Variants in RTL10 observed in about 807,000 individuals in gnomAD.
The protein encoded by RTL10 is protein Bop.
For missense variants in RTL10, 477 were observed against 470.7 expected (o/e 1.01, Z -0.12); for synonymous variants, 199 against 188.4 (o/e 1.06, Z -0.46).
rs538512092 is a variant in RTL10 at position 19,847,520 on chromosome 22, C to T, written c.*3647G>A. ...CCATGAGGAAAAACTCTGGTCACAG[C>T]TCAAAAAGGTCAGGTAAGGACCCTC... On this transcript the variant is annotated 3_prime_UTR_variant, in exon 3 of 3. Transcript: ENST00000328554. 1 of 985,412 alleles carries T rather than the reference C, an allele frequency of 1.0e-6. No homozygotes were observed. The highest frequency in any genetic ancestry group is 1.7e-5 in the African/African-American group (1 of 57,320). 61.0% of individuals were successfully genotyped at this position (985,412 alleles called of 1,614,324 possible). A position where few individuals can be genotyped will look rare whatever the true frequency, so the allele number is the denominator to read the frequency against.
chr22:19,852,430 C>CAGGAGAGCTG lies in RTL10; in HGVS notation c.-179_-170dup. ...ATCAGGGAGCTGACAGCTGCAGCCT[C>CAGGAGAGCTG]AGGAGAGCTGAGAAGAGCTGAGAGA... On this transcript the variant is annotated 5_prime_UTR_variant, in exon 3 of 3. Coordinates refer to ENST00000328554, the MANE Select transcript of RTL10 (RefSeq NM_024627.6). The CAGGAGAGCTG allele has an allele frequency of 2.9e-6, 2 of 681,584 alleles. No individual in the cohort carries two copies. Among genetic ancestry groups the CAGGAGAGCTG allele is most frequent in the Non-Finnish European group, 5.0e-6 (2 of 400,352 alleles). The allele number at this position is 681,584 out of a possible 1,614,324, so 42.2% of individuals were successfully genotyped here.
Position 19,852,321 on chromosome 22 carries a change from C to T in RTL10, c.-60G>A. 6.5e-7 allele frequency: 1 copy of T among 1,540,142 alleles called. No individual in the cohort carries two copies. The highest frequency in any genetic ancestry group is 1.8e-5 in the Admixed American group (1 of 54,672). ...CACTGGTGGGTGGTGGGGGTGTGGA[C>T]AGATGTGGCTTGCACGACACAACAG... On this transcript the variant is annotated 5_prime_UTR_variant, in exon 3 of 3. Coordinates refer to ENST00000328554, the MANE Select transcript of RTL10 (RefSeq NM_024627.6).
In RTL10 at chr22:19,846,813, C is replaced by T; in HGVS notation, c.*4354G>A. Reference sequence around the variant, plus strand: ...GAGGCCTCAGGAGAAACCAACCCTGCCCACACCTTGATCTCAGGCTTCTAG... The same window carrying T: ...GAGGCCTCAGGAGAAACCAACCCTGTCCACACCTTGATCTCAGGCTTCTAG... On this transcript the variant is annotated 3_prime_UTR_variant, in exon 3 of 3. Coordinates refer to ENST00000328554, the MANE Select transcript of RTL10 (RefSeq NM_024627.6). The T allele has an allele frequency of 1.4e-6, 1 of 690,416 alleles. No individual in the cohort carries two copies. Among genetic ancestry groups the T allele is most frequent in the Non-Finnish European group, 1.8e-6 (1 of 560,254 alleles). 42.8% of individuals were successfully genotyped at this position (690,416 alleles called of 1,614,324 possible).
chr22:19,850,094 T>C lies in RTL10; in HGVS notation c.*1073A>G. The stretch of plus-strand genomic sequence containing the variant: ...CCCCTACTCAGCCCCACCCAGCTTC[T>C]TTGATCAGACCCTTGGACCCTCAAA... On this transcript the variant is annotated 3_prime_UTR_variant, in exon 3 of 3. Transcript: ENST00000328554. 1 of 985,054 alleles carries C rather than the reference T, an allele frequency of 1.0e-6. No individual in the cohort carries two copies. 61.0% of individuals were successfully genotyped at this position (985,054 alleles called of 1,614,324 possible). A position where few individuals can be genotyped will look rare whatever the true frequency, so the allele number is the denominator to read the frequency against.
chr22:19,847,826 T>C lies in RTL10; in HGVS notation c.*3341A>G, dbSNP rs1293687148. 2.1e-6 allele frequency: 1 copy of C among 472,980 alleles called. No homozygotes were observed. The highest frequency in any genetic ancestry group is 4.9e-5 in the African/African-American group (1 of 20,562). The allele number at this position is 472,980 out of a possible 1,614,324, so 29.3% of individuals were successfully genotyped here. ...AGGCAAAAAAAAAAAAAAAAAAAAA[T>C]TCACCCATATTTTCCTCTAGTACTT... On this transcript the variant is annotated 3_prime_UTR_variant, in exon 3 of 3. Coordinates refer to ENST00000328554, the MANE Select transcript of RTL10 (RefSeq NM_024627.6).
In RTL10 at chr22:19,852,208, G is replaced by A. The variant is rs758751942; in HGVS notation, c.54C>T (p.Ala18=). 7 of 1,613,568 alleles carry A rather than the reference G, an allele frequency of 4.3e-6. No individual in the cohort carries two copies. Among genetic ancestry groups the A allele is most frequent in the East Asian group, 4.5e-5 (2 of 44,898 alleles). Residue 18 remains alanine, a synonymous_variant, in exon 3 of 3, where the codon GCC becomes GCT. Transcript: ENST00000328554. ...ATGGATGTGCGTTGGCATAATTGGC[G>A]GCTGCCCAGATGGGAATGCGAGGGC... is the stretch of plus-strand genomic sequence containing the variant. ...QQGPRIPIWA[A]ANYANAHPWQ... is the part of the protein sequence containing the mutation.
chr22:19,852,034 A>T lies in RTL10; in HGVS notation c.228T>A (p.Pro76=), dbSNP rs1938117199. The T allele has an allele frequency of 6.2e-7, 1 of 1,614,182 alleles. No homozygotes were observed. The highest frequency in any genetic ancestry group is 8.5e-7 in the Non-Finnish European group (1 of 1,180,022). The change falls in exon 3 of 3, where the codon CCT becomes CCA. Residue 76 remains proline, a synonymous_variant. Transcript: ENST00000328554. ...GCCCAGCTAGGGGACCCCTTTCTGC[A>T]GGTTTACCGCCACAAGTGCCACTAG... ...STASGTCGGK[P]AERGPLAGHM...
At position 19,851,848 on chromosome 22, in the gene RTL10, A is replaced by T; in HGVS notation, c.414T>A (p.Arg138=). The part of the protein sequence containing the change: ...HFEHYQDNIS[R]VCEILRRLTG... ...TTAGGCGCCTGAGGATCTCGCAGAC[A>T]CGGCTGATGTTGTCCTGATAGTGCT... Residue 138 remains arginine, a synonymous_variant, in exon 3 of 3, where the codon CGT becomes CGA. Coordinates refer to ENST00000328554, the MANE Select transcript of RTL10 (RefSeq NM_024627.6). 3 of 1,613,876 alleles carry T rather than the reference A, an allele frequency of 1.9e-6. No homozygotes were observed. The highest frequency in any genetic ancestry group is 1.1e-5 in the South Asian group (1 of 91,074).
At position 19,849,875 on chromosome 22, in the gene RTL10, T is replaced by C. The variant is rs1938054055; in HGVS notation, c.*1292A>G. 1.1e-5 allele frequency: 11 copies of C among 985,476 alleles called. No individual in the cohort carries two copies. In the Middle Eastern group the frequency reaches 2.1e-3, roughly 187 times the overall value. The allele number at this position is 985,476 out of a possible 1,614,324, so 61.0% of individuals were successfully genotyped here. A position where few individuals can be genotyped will look rare whatever the true frequency, so the allele number is the denominator to read the frequency against. On this transcript the variant is annotated 3_prime_UTR_variant, in exon 3 of 3. Coordinates refer to ENST00000328554, the MANE Select transcript of RTL10 (RefSeq NM_024627.6). ...ACTGCACACACTGGGCGGCTGTACC[T>C]GCCTATCCTGTGGTAAACTTGGCTC...
In RTL10 at chr22:19,850,114, C is replaced by A. The variant is rs908239458; in HGVS notation, c.*1053G>T. 12 of 985,640 alleles carry A rather than the reference C, an allele frequency of 1.2e-5. No homozygotes were observed. The highest frequency in any genetic ancestry group is 1.4e-5 in the Non-Finnish European group (12 of 830,082). The allele number at this position is 985,640 out of a possible 1,614,324, so 61.1% of individuals were successfully genotyped here. On this transcript the variant is annotated 3_prime_UTR_variant, in exon 3 of 3. Transcript: ENST00000328554. ...GCTTCTTTGATCAGACCCTTGGACCCTCAAAGCCCCTGCCAGAAACCACAG... is the reference window on the plus strand; with the variant it reads ...GCTTCTTTGATCAGACCCTTGGACCATCAAAGCCCCTGCCAGAAACCACAG...
chr22:19,854,055 G>C (rs1938176419), intron 2 of RTL10, among the ~76,000 whole-genome samples: 1 of 152,234 alleles, frequency 6.6e-6, no homozygotes, highest in African/African-American at 2.4e-5. Flanking sequence ...AGCCAGGCCT[G>C]CTTTGGGCCT....
In RTL10 at chr22:19,846,755, G is replaced by A. The variant is rs755811664; in HGVS notation, c.*4412C>T. On this transcript the variant is annotated 3_prime_UTR_variant, in exon 3 of 3. Transcript: ENST00000328554. ...AGGACACAGACACAGACAGGGACAC[G>A]GCAAGAAGATGGCTATCTGCAGGCC... is the stretch of plus-strand genomic sequence containing the variant. The A allele has an allele frequency of 2.0e-4, 75 of 370,078 alleles. No individual in the cohort carries two copies. The highest frequency in any genetic ancestry group is 3.3e-4 in the East Asian group (2 of 6,124). The allele number at this position is 370,078 out of a possible 1,614,324, so 22.9% of individuals were successfully genotyped here. A position where few individuals can be genotyped will look rare whatever the true frequency, so the allele number is the denominator to read the frequency against.
Position 19,852,364 on chromosome 22 carries a change from AGGGC to A in RTL10, c.-107_-104del. ...CACAACAGGACAGGGATGGCTGAAC[AGGGC>A]GTGGCAGACCCGCACTGGTCCAGGC... is the stretch of plus-strand genomic sequence containing the variant. On this transcript the variant is annotated 5_prime_UTR_variant, in exon 3 of 3. Transcript: ENST00000328554. 1.5e-6 allele frequency: 2 copies of A among 1,294,972 alleles called. No homozygotes were observed. The highest frequency in any genetic ancestry group is 2.1e-6 in the Non-Finnish European group (2 of 930,918). The allele number at this position is 1,294,972 out of a possible 1,614,324, so 80.2% of individuals were successfully genotyped here.
At position 19,850,122 on chromosome 22, in the gene RTL10, C is replaced by A. The variant is rs543468765; in HGVS notation, c.*1045G>T. The A allele has an allele frequency of 7.5e-5, 74 of 985,590 alleles. No individual in the cohort carries two copies. In the African/African-American group the frequency reaches 1.1e-3, roughly 15 times the overall value. 61.1% of individuals were successfully genotyped at this position (985,590 alleles called of 1,614,324 possible). A position where few individuals can be genotyped will look rare whatever the true frequency, so the allele number is the denominator to read the frequency against. ...GATCAGACCCTTGGACCCTCAAAGC[C>A]CCTGCCAGAAACCACAGCTGCAATG... is the stretch of plus-strand genomic sequence containing the variant. On this transcript the variant is annotated 3_prime_UTR_variant, in exon 3 of 3. Transcript: ENST00000328554.
At position 19,851,232 on chromosome 22, in the gene RTL10, T is replaced by C. The variant is rs1419531155; in HGVS notation, c.1030A>G (p.Thr344Ala). ...GGGGCCTCCACCACCTCCTGTGGGGTACCTAAGGACACCTCCTGGTCTCCC... is the reference window on the plus strand; with the variant it reads ...GGGGCCTCCACCACCTCCTGTGGGGCACCTAAGGACACCTCCTGGTCTCCC... ...TEGDQEVSLG[T>A]PQEVVEAPET... Residue 344 changes from threonine to alanine, a missense_variant, in exon 3 of 3, where the codon ACC becomes GCC. Thr to Ala is a moderately conservative substitution (Grantham distance 58). Transcript: ENST00000328554. 5 of 1,600,758 alleles carry C rather than the reference T, an allele frequency of 3.1e-6. No individual in the cohort carries two copies. Among genetic ancestry groups the C allele is most frequent in the Non-Finnish European group, 4.3e-6 (5 of 1,173,080 alleles).
chr22:19,850,121 C>T lies in RTL10; in HGVS notation c.*1046G>A. ...TGATCAGACCCTTGGACCCTCAAAG[C>T]CCCTGCCAGAAACCACAGCTGCAAT... On this transcript the variant is annotated 3_prime_UTR_variant, in exon 3 of 3. Transcript: ENST00000328554. The T allele has an allele frequency of 6.1e-6, 6 of 985,556 alleles. No individual in the cohort carries two copies. Among genetic ancestry groups the T allele is most frequent in the Non-Finnish European group, 7.2e-6 (6 of 830,036 alleles). 61.1% of individuals were successfully genotyped at this position (985,556 alleles called of 1,614,324 possible).
chr22:19,846,871 AGTCCCC>A lies in RTL10; in HGVS notation c.*4290_*4295del. On this transcript the variant is annotated 3_prime_UTR_variant, in exon 3 of 3. Coordinates refer to ENST00000328554, the MANE Select transcript of RTL10 (RefSeq NM_024627.6). ...ATCATGAGGAAATGTCTGTTGTTTA[AGTCCCC>A]TAGCCTGCGGTCCTTTGTCAGGCAG... 13 of 937,852 alleles carry A rather than the reference AGTCCCC, an allele frequency of 1.4e-5. No individual in the cohort carries two copies. The highest frequency in any genetic ancestry group is 1.5e-5 in the Non-Finnish European group (12 of 786,426). 58.1% of individuals were successfully genotyped at this position (937,852 alleles called of 1,614,324 possible). A position where few individuals can be genotyped will look rare whatever the true frequency, so the allele number is the denominator to read the frequency against.
rs1304266803 is a variant in RTL10 at position 19,851,609 on chromosome 22, C to A, written c.653G>T (p.Arg218Met). The A allele has an allele frequency of 1.9e-6, 3 of 1,596,472 alleles. No individual in the cohort carries two copies. The highest frequency in any genetic ancestry group is 2.6e-6 in the Non-Finnish European group (3 of 1,169,592). ...QLPVVRQYLA[R>M]FLEGLALDMG... Reference sequence around the variant, plus strand: ...GTCGAGTGCCAGGCCCTCTAAGAACCTAGCTAAGTATTGCCTCACCACAGG... The same window carrying A: ...GTCGAGTGCCAGGCCCTCTAAGAACATAGCTAAGTATTGCCTCACCACAGG... The change falls in exon 3 of 3, where the codon AGG becomes ATG. Residue 218 changes from arginine (R) to methionine (M), a missense_variant. Coordinates refer to ENST00000328554, the MANE Select transcript of RTL10 (RefSeq NM_024627.6).
chr22:19,849,851 C>A lies in RTL10; in HGVS notation c.*1316G>T, dbSNP rs1426244815. On this transcript the variant is annotated 3_prime_UTR_variant, in exon 3 of 3. Transcript: ENST00000328554. ...GTCCAAGCACCAGAGTGGGCACACA[C>A]TGCACACACTGGGCGGCTGTACCTG... The A allele has an allele frequency of 3.0e-6, 3 of 985,354 alleles. No individual in the cohort carries two copies. The highest frequency in any genetic ancestry group is 4.7e-5 in the South Asian group (1 of 21,292). 61.0% of individuals were successfully genotyped at this position (985,354 alleles called of 1,614,324 possible).
Sources: allele counts gnomAD v4.1 joint callset (sites outside exome capture counted in the v4.1 genomes callset), GRCh38; gene constraint gnomAD v4.1.1; transcripts MANE v1.5; gene names NCBI Gene and HGNC (gene_info 2026-07-23, HGNC 2026-07-21).